The following TENM3 variants were observed in gnomAD, a reference collection of about 807,000 sequenced individuals.
TENM3 encodes the protein teneurin transmembrane protein 3.
Under a neutral mutation model 255.1 loss-of-function variants are expected in TENM3, and 63 were observed. That is an observed-to-expected ratio of 0.25 (90% CI 0.20 to 0.30). The LOEUF (loss-of-function observed/expected upper bound fraction) is 0.30, where lower values mean the gene tolerates loss of function less well. Among genes scored for constraint, TENM3 ranks in the 10% least tolerant of loss-of-function variants. TENM3 has a pLI of 1.00. For missense variants in TENM3, 2,929 were observed against 3,461.1 expected, an observed-to-expected ratio of 0.85 and a Z score of 3.86; for synonymous variants, 1,306 against 1,322.3, an observed-to-expected ratio of 0.99 and a Z score of 0.27.
upstream of TENM3, among the ~76,000 whole-genome samples, chr4:182,239,676 G>T (rs1432386208): frequency 3.9e-5 from 6 of 152,104 alleles, no homozygotes; most frequent in African/African-American, 1.4e-4. Context: ...AACCAAATAG[G>T]GGCGGAGACA....
intron 3 of TENM3, among the ~76,000 whole-genome samples, chr4:182,512,994 C>T (rs78674260): frequency 0.039 from 5,999 of 152,166 alleles, 227 homozygotes; most frequent in East Asian, 0.11. Context: ...TTTTAGAAAA[C>T]GTTTTGGCAT....
In TENM3 at chr4:182,754,382, A is replaced by T. The variant is rs1398333013; in HGVS notation, c.4018-3A>T. The T allele has an allele frequency of 6.3e-7, 1 of 1,579,828 alleles. No individual in the cohort carries two copies. The highest frequency in any genetic ancestry group is 1.3e-5 in the African/African-American group (1 of 74,170). On this transcript the variant is annotated splice_polypyrimidine_tract_variant and splice_region_variant and intron_variant, in intron 21 of 27. Coordinates refer to ENST00000511685, the MANE Select transcript of TENM3 (RefSeq NM_001080477.4). This position sits in a 1 kb window ranked among gnomAD's most constrained non-coding sequence, Gnocchi z 5.1. ...TAACCAGGCCATTTCTTTTTTTATT[A>T]AGGTACGTCTGGAATGGCCCACTGA...
the TENM3 span, among the ~76,000 whole-genome samples, chr4:181,609,632 C>A: frequency 6.6e-6 from 1 of 152,214 alleles, no homozygotes; most frequent in Non-Finnish European, 1.5e-5. Flanking sequence ...ATATGAATGA[C>A]CACATATGTT....
At chr4:182,105,404 A>G in the TENM3 span, among the ~76,000 whole-genome samples, 2 of 152,178 alleles carry the variant, frequency 1.3e-5, no homozygotes, top group Non-Finnish European at 2.9e-5. Context: ...TCAACACAAG[A>G]CAACCCTCAA....
At chr4:182,548,005 C>A (rs1741620608) in intron 3 of TENM3, among the ~76,000 whole-genome samples, 1 of 151,890 alleles carries the variant, frequency 6.6e-6, no homozygotes, top group African/African-American at 2.4e-5. Context: ...ATCAGTTAAG[C>A]CCGGTAGTTT....
chr4:182,696,442 T>A (rs914406740), intron 12 of TENM3, among the ~76,000 whole-genome samples: 2 of 152,082 alleles, frequency 1.3e-5, no homozygotes, highest in African/African-American at 2.4e-5. Context: ...AAAATGGATA[T>A]GGGGCCGGGC....
the TENM3 span, among the ~76,000 whole-genome samples, chr4:181,872,543 G>A: frequency 6.6e-5 from 10 of 152,004 alleles, 1 homozygote; most frequent in East Asian, 1.9e-3. Flanking sequence ...AAACAGTGTT[G>A]TTCAATATAC....
At chr4:181,962,094 C>G in the TENM3 span, among the ~76,000 whole-genome samples, 2 of 152,124 alleles carry the variant, frequency 1.3e-5, no homozygotes, top group Non-Finnish European at 1.5e-5. Context: ...TAGAAAAAGA[C>G]AGCTTAAAAG....
Position 182,730,202 on chromosome 4 carries a change from T to C in TENM3, c.2588T>C (p.Leu863Pro). Residue 863 changes from leucine to proline, a missense_variant and splice_region_variant, in exon 15 of 28, where the codon CTT becomes CCT. By Grantham distance (98) the Leu-to-Pro change is moderately conservative. This residue lies in a region of TENM3 where 1,608 missense variants were observed against 1,884.4 expected (regional missense o/e 0.85). Coordinates refer to ENST00000511685, the MANE Select transcript of TENM3 (RefSeq NM_001080477.4). ...TCATTCTTCTGCTTTTCCAACAGCC[T>C]TGCATCTGTCATCAGAGGCCAAGTA... Reference protein sequence around the residue: ...IPGESPFNKSLASVIRGQVLT... With the variant: ...IPGESPFNKSPASVIRGQVLT... 6.2e-7 allele frequency: 1 copy of C among 1,613,774 alleles called. No homozygotes were observed. The highest frequency in any genetic ancestry group is 8.5e-7 in the Non-Finnish European group (1 of 1,179,762).
At chr4:182,751,126 G>C (rs1182626726) in intron 19 of TENM3, among the ~76,000 whole-genome samples, 2 of 152,178 alleles carry the variant, frequency 1.3e-5, no homozygotes, top group African/African-American at 4.8e-5. Flanking sequence ...GAGCAGCTCA[G>C]TATACAAACT....
the TENM3 span, among the ~76,000 whole-genome samples, chr4:181,897,059 C>T: frequency 1.1e-4 from 16 of 152,290 alleles, no homozygotes; most frequent in African/African-American, 3.4e-4. Flanking sequence ...CCTGACATTC[C>T]CTTCCTGAAA....
At chr4:182,468,832 G>A (rs1404341070) in intron 3 of TENM3, among the ~76,000 whole-genome samples, 1 of 74,200 alleles carries the variant, frequency 1.3e-5, no homozygotes, top group East Asian at 2.9e-4. Flanking sequence ...GCTTGTGTGT[G>A]TGTGTGTGTG....
intron 3 of TENM3, among the ~76,000 whole-genome samples, chr4:182,546,819 T>A (rs753491610): frequency 1.3e-5 from 2 of 152,134 alleles, no homozygotes; most frequent in African/African-American, 4.8e-5. Flanking sequence ...TTAATCTGTT[T>A]TTTGAAAAGG....
the TENM3 span, among the ~76,000 whole-genome samples, chr4:181,922,520 G>A: frequency 6.6e-4 from 101 of 152,052 alleles, no homozygotes; most frequent in Non-Finnish European, 1.2e-3. Flanking sequence ...GTTTATTTGC[G>A]TAGAGGTGTT....
the TENM3 span, among the ~76,000 whole-genome samples, chr4:181,846,871 C>T: frequency 6.6e-6 from 1 of 152,212 alleles, no homozygotes; most frequent in Non-Finnish European, 1.5e-5. Context: ...ATGGACCACA[C>T]TTTAAGAAAT....
chr4:181,476,148 C>T, the TENM3 span, among the ~76,000 whole-genome samples: 3 of 151,282 alleles, frequency 2.0e-5, no homozygotes, highest in African/African-American at 4.9e-5. Context: ...GAGTAAGATG[C>T]AAATTCAAAG....
chr4:182,488,288 G>A (rs1376635616), intron 3 of TENM3, among the ~76,000 whole-genome samples: 1 of 151,968 alleles, frequency 6.6e-6, no homozygotes, highest in Non-Finnish European at 1.5e-5. Flanking sequence ...ATCGAAAGAG[G>A]GTTCTAAAAA....
intron 1 of TENM3, among the ~76,000 whole-genome samples, chr4:182,252,075 C>G (rs900753502): frequency 5.3e-5 from 8 of 151,572 alleles, no homozygotes; most frequent in Non-Finnish European, 1.2e-4. Context: ...CCCAGCTACT[C>G]GGGAGGCTGA....
chr4:182,109,282 T>G, the TENM3 span, among the ~76,000 whole-genome samples: 7 of 149,028 alleles, frequency 4.7e-5, no homozygotes, highest in Non-Finnish European at 8.9e-5. Flanking sequence ...ATGTCACATA[T>G]AGTATAATAT....
Sources: allele counts gnomAD v4.1 joint callset (sites outside exome capture counted in the v4.1 genomes callset), GRCh38; gene constraint gnomAD v4.1.1; regional missense constraint gnomAD v4.1.1; non-coding constraint Gnocchi (gnomAD v3.1); transcripts MANE v1.5; gene names NCBI Gene and HGNC (gene_info 2026-07-23, HGNC 2026-07-21).